ZNF423: variants seen among roughly 807,000 people sequenced by gnomAD.
The protein encoded by ZNF423 is zinc finger protein 423.
Under a neutral mutation model 95.8 loss-of-function variants are expected in ZNF423, and 12 were observed. The ratio of observed to expected loss-of-function variants is 0.13; its 90% CI spans 0.08 to 0.20. The LOEUF is 0.20. Ranked by LOEUF, ZNF423 falls within the 10% of genes least tolerant of loss-of-function variation. ZNF423 has a pLI of 1.00. For missense variants in ZNF423, 1,316 were observed against 1,737.1 expected (o/e 0.76, Z 4.31); for synonymous variants, 749 against 711.9 (o/e 1.05, Z -0.83).
In ZNF423 at chr16:49,855,590, C is replaced by T. The variant is rs913318278; in HGVS notation, c.40+145G>A. 5.4e-6 allele frequency: 1 copy of T among 183,672 alleles called. No homozygotes were observed. Among genetic ancestry groups the T allele is most frequent in the Non-Finnish European group, 1.1e-5 (1 of 90,068 alleles). 11.4% of individuals were successfully genotyped at this position (183,672 alleles called of 1,614,324 possible). A position where few individuals can be genotyped will look rare whatever the true frequency, so the allele number is the denominator to read the frequency against. Reference sequence around the variant, plus strand: ...CCCCCTCCTCCGCCTCCGCCTCCGCCTCCGCCTCCTCTGCCGCCTCCTCCT... The same window carrying T: ...CCCCCTCCTCCGCCTCCGCCTCCGCTTCCGCCTCCTCTGCCGCCTCCTCCT... On this transcript the variant is annotated intron_variant, in intron 1 of 7. Transcript: ENST00000563137. This position sits in a 1 kb window ranked among gnomAD's most constrained non-coding sequence, Gnocchi z 4.7.
At chr16:49,661,977 G>A (rs921538638) in intron 3 of ZNF423, among the ~76,000 whole-genome samples, 2 of 152,160 alleles carry the variant, frequency 1.3e-5, no homozygotes, top group East Asian at 1.9e-4. Flanking sequence ...CTGGCCCAGC[G>A]CCTGGTACAT....
At chr16:49,768,571 C>G (rs763683612) in intron 2 of ZNF423, among the ~76,000 whole-genome samples, 3 of 152,094 alleles carry the variant, frequency 2.0e-5, no homozygotes, top group East Asian at 1.9e-4. Context: ...GGGACCTGCC[C>G]GCTCCCAGTT....
chr16:49,572,163 G>T (rs1405939754), intron 5 of ZNF423, among the ~76,000 whole-genome samples: 1 of 152,200 alleles, frequency 6.6e-6, no homozygotes, highest in Non-Finnish European at 1.5e-5. Context: ...GTGACCTGGA[G>T]TGGAGACAAC....
At chr16:49,663,038 C>T (rs1277722286) in intron 3 of ZNF423, among the ~76,000 whole-genome samples, 1 of 152,156 alleles carries the variant, frequency 6.6e-6, no homozygotes. Context: ...CTAATCAGAA[C>T]TGAGCATTAT....
At chr16:49,753,955 C>A (rs2033677812) in intron 2 of ZNF423, among the ~76,000 whole-genome samples, 1 of 150,256 alleles carries the variant, frequency 6.7e-6, no homozygotes, top group East Asian at 2.0e-4. Flanking sequence ...CACTTGAACA[C>A]GGGAGGAGAA....
rs529116452 is a variant in ZNF423, at chr16:49,596,623, C to T, written c.3601+29547G>A. On this transcript the variant is annotated intron_variant, in intron 5 of 7. Transcript: ENST00000563137. ...TTTGTGTTTTTCTACTTATGAAAAA[C>T]CCTGGAGAACAGCAAGCCACAAATG... is the stretch of plus-strand genomic sequence containing the variant. Among the ~76,000 whole-genome samples, 7 of 152,212 alleles carry T rather than the reference C, an allele frequency of 4.6e-5. No homozygotes were observed. In the South Asian group the frequency reaches 1.0e-3, roughly 23 times the overall value.
intron 4 of ZNF423, among the ~76,000 whole-genome samples, chr16:49,632,003 T>C (rs758867326): frequency 6.6e-5 from 10 of 152,116 alleles, no homozygotes; most frequent in South Asian, 2.1e-4. Context: ...AGAAAGCTAG[T>C]GGGATCTGGA....
At chr16:49,716,530 T>C (rs1385562449) in intron 3 of ZNF423, among the ~76,000 whole-genome samples, 2 of 152,218 alleles carry the variant, frequency 1.3e-5, no homozygotes, top group Non-Finnish European at 2.9e-5. Flanking sequence ...AAAATAAAAC[T>C]GTTTAACACA....
intron 2 of ZNF423, among the ~76,000 whole-genome samples, chr16:49,753,453 AT>A (rs1205758768): frequency 3.3e-4 from 47 of 142,100 alleles, no homozygotes; most frequent in African/African-American, 1.2e-3. Context: ...AAAAAAAAAA[AT>A]TAGCCAGGCG....
intron 1 of ZNF423, chr16:49,847,371 G>C (rs934340361): frequency 1.3e-5 from 2 of 152,298 alleles, no homozygotes; most frequent in African/African-American, 4.8e-5. Flanking sequence ...GGGGCCACAA[G>C]GGATCTGCCA....
chr16:49,551,278 C>T lies in ZNF423; in HGVS notation c.3602-25784G>A, dbSNP rs1273416104. Among the ~76,000 whole-genome samples the T allele has an allele frequency of 2.6e-5, 4 of 152,228 alleles. No homozygotes were observed. In the East Asian group the frequency reaches 5.8e-4, roughly 22 times the overall value. On this transcript the variant is annotated intron_variant, in intron 5 of 7. Coordinates refer to ENST00000563137, the MANE Select transcript of ZNF423 (RefSeq NM_001379286.1). ...ATTCAACCTCAGTTCCAACATCCAA[C>T]GCTCCGCTTTTCTGCCAAAAAGTTT...
At chr16:49,793,902 C>A (rs2034455618) in intron 1 of ZNF423, among the ~76,000 whole-genome samples, 1 of 152,190 alleles carries the variant, frequency 6.6e-6, no homozygotes, top group South Asian at 2.1e-4. Flanking sequence ...CAAACTCAAG[C>A]CCCTCTGCAC....
At chr16:49,789,450 C>G in intron 2 of ZNF423, 37 bp downstream of exon 2, 1 of 1,595,600 alleles carries the variant, frequency 6.3e-7, no homozygotes, top group Non-Finnish European at 8.5e-7. Context: ...GCCCCCAGGA[C>G]CCCCTGCAAC....
At chr16:49,772,324 C>T (rs528345145) in intron 2 of ZNF423, among the ~76,000 whole-genome samples, 81 of 152,346 alleles carry the variant, frequency 5.3e-4, no homozygotes, top group Non-Finnish European at 9.4e-4. Context: ...CAGCCTGCAC[C>T]GGTGAGAGCC....
intron 3 of ZNF423, among the ~76,000 whole-genome samples, chr16:49,709,544 G>C (rs2032477809): frequency 1.3e-5 from 2 of 152,072 alleles, no homozygotes; most frequent in South Asian, 4.2e-4. Flanking sequence ...TCTCAGCCAG[G>C]GGCAGCAACC....
intron 2 of ZNF423, among the ~76,000 whole-genome samples, chr16:49,766,070 T>C (rs1037572527): frequency 6.6e-6 from 1 of 152,220 alleles, no homozygotes; most frequent in Non-Finnish European, 1.5e-5. Flanking sequence ...ATGGTTATGA[T>C]AGTAAATTTT....
At chr16:49,835,817 G>C (rs533524337) in intron 1 of ZNF423, among the ~76,000 whole-genome samples, 1 of 152,336 alleles carries the variant, frequency 6.6e-6, no homozygotes, top group East Asian at 1.9e-4. Context: ...TGCTGCTCCC[G>C]GGTGTTGGTG....
At chr16:49,731,038 G>A (rs1288561544) in intron 2 of ZNF423, 67 bp from the exon 3 acceptor site, 15 of 1,534,386 alleles carry the variant, frequency 9.8e-6, no homozygotes, top group Admixed American at 3.4e-5. Context: ...TAAAAGAATC[G>A]CCCGGCATTT....
chr16:49,755,904 T>C (rs1224495536), intron 2 of ZNF423, among the ~76,000 whole-genome samples: 1 of 152,132 alleles, frequency 6.6e-6, no homozygotes, highest in Admixed American at 6.5e-5. Context: ...CCGAAGACCC[T>C]GTGCTAGGGA....
Sources: gnomAD v4.1 joint callset for allele counts (sites outside exome capture counted in the v4.1 genomes callset) on GRCh38, gnomAD v4.1.1 for gene constraint, Gnocchi (gnomAD v3.1) non-coding constraint, MANE v1.5 for transcripts, NCBI Gene and HGNC (gene_info 2026-07-23, HGNC 2026-07-21) for gene names.